Variants in COG6 observed in about 807,000 individuals in gnomAD.
COG6 encodes conserved oligomeric Golgi complex subunit 6.
In COG6, 74 loss-of-function variants were observed where a neutral mutation model predicts 88.8. The ratio of observed to expected loss-of-function variants is 0.83; its 90% CI spans 0.69 to 1.01. The LOEUF (loss-of-function observed/expected upper bound fraction) is 1.01. COG6 is among the 50% of genes least tolerant of loss of function. COG6 has a pLI of 0.00. For synonymous variants in COG6, 286 were observed against 278.7 expected (o/e 1.03, Z -0.26); for missense variants, 800 against 797.9 (o/e 1.00, Z -0.03).
chr13:39,697,421 A>G (rs1593433275), intron 12 of COG6, among the ~76,000 whole-genome samples: 2 of 151,918 alleles, frequency 1.3e-5, no homozygotes, highest in South Asian at 4.1e-4. Flanking sequence ...TACCTCTCAT[A>G]CATTAAAACT....
intron 15 of COG6, among the ~76,000 whole-genome samples, chr13:39,722,901 G>T (rs1366781299): frequency 6.6e-6 from 1 of 152,030 alleles, no homozygotes; most frequent in Admixed American, 6.6e-5. Flanking sequence ...GCTGTAGTGG[G>T]ATTTCCTCTA....
chr13:39,675,744 A>G (rs1288674748), intron 4 of COG6, among the ~76,000 whole-genome samples: 1 of 152,120 alleles, frequency 6.6e-6, no homozygotes, highest in Non-Finnish European at 1.5e-5. Context: ...TAATAAATTG[A>G]TTCTAAAGAT....
intron 15 of COG6, among the ~76,000 whole-genome samples, chr13:39,720,152 A>G (rs1878777403): frequency 6.6e-6 from 1 of 152,134 alleles, no homozygotes; most frequent in South Asian, 2.1e-4. Context: ...GTTAGTCTGT[A>G]TGTGGATTTT....
chr13:39,757,347 A>T (rs568572493), downstream of COG6, among the ~76,000 whole-genome samples: 13 of 152,260 alleles, frequency 8.5e-5, no homozygotes, highest in African/African-American at 2.6e-4. Flanking sequence ...AGAGAAATTT[A>T]TAGCCTACCT....
chr13:39,740,605 AT>A (rs1420806292), intron 18 of COG6, among the ~76,000 whole-genome samples: 1 of 152,140 alleles, frequency 6.6e-6, no homozygotes, highest in Non-Finnish European at 1.5e-5. Context: ...TGTTGAGATT[AT>A]TTTATTATTT....
intron 13 of COG6, among the ~76,000 whole-genome samples, chr13:39,703,214 A>G (rs1304010279): frequency 1.3e-5 from 2 of 151,976 alleles, no homozygotes; most frequent in Non-Finnish European, 2.9e-5. Context: ...CAAATCTACC[A>G]TACTACCTCC....
chr13:39,712,672 G>T (rs1878307356), intron 13 of COG6, among the ~76,000 whole-genome samples: 1 of 152,174 alleles, frequency 6.6e-6, no homozygotes, highest in African/African-American at 2.4e-5. Flanking sequence ...AACAAGCAAA[G>T]ATGTTTGCTT....
chr13:39,724,516 A>G lies in COG6; in HGVS notation c.1701A>G (p.Leu567=). Residue 567 remains leucine (L), a synonymous_variant, in exon 17 of 19, where the codon TTA becomes TTG. Coordinates refer to ENST00000455146, the MANE Select transcript of COG6 (RefSeq NM_020751.3). ...TTTTTTTTTTTAAATAGGGCTCTTT[A>G]GCTAATATGCCCAACCTAGATTCTG... ...VQQHKPEQGS[L]ANMPNLDSVT... 1.3e-6 allele frequency: 2 copies of G among 1,515,882 alleles called. No homozygotes were observed. The highest frequency in any genetic ancestry group is 1.8e-6 in the Non-Finnish European group (2 of 1,110,438). The allele number at this position is 1,515,882 out of a possible 1,614,324, so 93.9% of individuals were successfully genotyped here.
chr13:39,719,354 C>T lies in COG6; in HGVS notation c.1403C>T (p.Ala468Val). The T allele has an allele frequency of 1.2e-6, 2 of 1,612,332 alleles. No individual in the cohort carries two copies. The highest frequency in any genetic ancestry group is 1.7e-6 in the Non-Finnish European group (2 of 1,178,942). Residue 468 changes from alanine to valine, a missense_variant, in exon 14 of 19, where the codon GCT becomes GTT. Physicochemically the swap from Ala to Val is moderately conservative, Grantham distance 64. Transcript: ENST00000455146. Reference protein sequence around the residue: ...SSVVPLDARQADFVQVLSCVL... With the variant: ...SSVVPLDARQVDFVQVLSCVL... ...GTTGTACCATTAGATGCTCGTCAAG[C>T]TGATTTTGTGCAGGTATGTTATAAA...
rs1364895095 is a variant in COG6, at chr13:39,734,217, CT to C, written c.1826+6677del. On this transcript the variant is annotated intron_variant, in intron 18 of 18. Transcript: ENST00000455146. ...AGGTTGTTTATTTGAAGCTTTTCTA[CT>C]TTTTTTTGTAGGCACTTACAGCTAC... Among the ~76,000 whole-genome samples the C allele has an allele frequency of 2.0e-5, 3 of 151,780 alleles. No homozygotes were observed. The South Asian group carries it at 6.2e-4, about 31-fold the overall frequency.
chr13:39,656,826 G>A, intron 1 of COG6: 2 of 455,922 alleles, frequency 4.4e-6, no homozygotes, highest in South Asian at 3.1e-5. Flanking sequence ...TTCTGTTTAG[G>A]AATTAGGAAT....
At chr13:39,744,780 G>A (rs1880247646) in intron 18 of COG6, among the ~76,000 whole-genome samples, 1 of 152,140 alleles carries the variant, frequency 6.6e-6, no homozygotes, top group Non-Finnish European at 1.5e-5. Flanking sequence ...CCAAAAAAGA[G>A]CCCACATTGC....
At chr13:39,774,615 C>T (rs796607664) in intron 18 of COG6, among the ~76,000 whole-genome samples, 4 of 151,680 alleles carry the variant, frequency 2.6e-5, no homozygotes, top group African/African-American at 4.8e-5. Context: ...CGCTCTGTCA[C>T]GCAGGCTGGA....
At chr13:39,670,159 T>C (rs768336880) in intron 4 of COG6, among the ~76,000 whole-genome samples, 13 of 152,150 alleles carry the variant, frequency 8.5e-5, no homozygotes, top group Non-Finnish European at 1.8e-4. Flanking sequence ...AAGCTTAATG[T>C]AGAATTTTAT....
chr13:39,657,644 A>G (rs1021126387), intron 1 of COG6, among the ~76,000 whole-genome samples: 1 of 152,062 alleles, frequency 6.6e-6, no homozygotes, highest in Non-Finnish European at 1.5e-5. Context: ...TCCAGCCAAT[A>G]TTTCAAAATA....
chr13:39,656,855 A>C (rs754181398), intron 1 of COG6: 1 of 455,984 alleles, frequency 2.2e-6, no homozygotes, highest in Non-Finnish European at 4.4e-6. Flanking sequence ...TAAGTTTCTC[A>C]TGGTTGTTAT....
intron 12 of COG6, among the ~76,000 whole-genome samples, chr13:39,697,344 C>CAAAG (rs202118247): frequency 0.064 from 9,636 of 151,662 alleles, 380 homozygotes; most frequent in Non-Finnish European, 0.094. Flanking sequence ...GGAGAAACGA[C>CAAAG]AAAACTGGGA....
At chr13:39,713,518 G>A (rs1295010867) in intron 13 of COG6, among the ~76,000 whole-genome samples, 3 of 152,090 alleles carry the variant, frequency 2.0e-5, no homozygotes, top group East Asian at 3.9e-4. Flanking sequence ...GGTGGATCAC[G>A]AGGTCAAGAG....
intron 18 of COG6, among the ~76,000 whole-genome samples, chr13:39,759,335 A>C (rs1411662824): frequency 6.6e-6 from 1 of 152,214 alleles, no homozygotes; most frequent in East Asian, 1.9e-4. Context: ...TGAAAACCAA[A>C]AATTGAGGAA....
Sources: allele counts gnomAD v4.1 joint callset (sites outside exome capture counted in the v4.1 genomes callset), GRCh38; gene constraint gnomAD v4.1.1; transcripts MANE v1.5; gene names NCBI Gene and HGNC (gene_info 2026-07-23, HGNC 2026-07-21).